The following PAG1 variants were observed in gnomAD, a reference collection of about 807,000 sequenced individuals.
PAG1 encodes the protein phosphoprotein associated with glycosphingolipid-enriched microdomains 1.
In PAG1, 23 loss-of-function variants were observed where a neutral mutation model predicts 31.7. The observed-to-expected ratio is 0.73, with a 90% CI of 0.52 to 1.03. PAG1 has a LOEUF of 1.03. PAG1 is among the 50% of genes least tolerant of loss of function. The probability of loss-of-function intolerance (pLI) is 0.00; values close to 1 mark genes in which losing one functional copy is unlikely to be tolerated. For missense variants in PAG1, 473 were observed against 540.7 expected (o/e 0.87, Z 1.24); for synonymous variants, 214 against 210.3 (o/e 1.02, Z -0.15).
At chr8:80,981,862 C>CCTTTTTTTTTTTTTT (rs1554598378) in intron 7 of PAG1, among the ~76,000 whole-genome samples, 1 of 103,426 alleles carries the variant, frequency 9.7e-6, no homozygotes, top group Non-Finnish European at 1.7e-5. Flanking sequence ...ATCTCACTTC[C>CCTTTTTTTTTTTTTT]TTTTTTTTTT....
chr8:81,057,009 A>G (rs1182110318), intron 2 of PAG1, among the ~76,000 whole-genome samples: 2 of 152,224 alleles, frequency 1.3e-5, no homozygotes, highest in Non-Finnish European at 2.9e-5. Flanking sequence ...GCAAATCAAA[A>G]CCACAATGAG....
intron 3 of PAG1, among the ~76,000 whole-genome samples, chr8:81,007,696 G>T: frequency 6.9e-6 from 1 of 145,106 alleles, no homozygotes; most frequent in African/African-American, 2.5e-5. Flanking sequence ...CTTGAAGAAT[G>T]ACACATGGAG....
chr8:81,065,610 G>T (rs2130943671), intron 2 of PAG1, among the ~76,000 whole-genome samples: 1 of 151,982 alleles, frequency 6.6e-6, no homozygotes, highest in East Asian at 1.9e-4. Context: ...ATAAAAAACT[G>T]GATATTTAAA....
At chr8:81,039,442 T>G (rs562505423) in intron 2 of PAG1, 1 of 152,338 alleles carries the variant, frequency 6.6e-6, no homozygotes, top group Admixed American at 6.5e-5. Context: ...GGCAAGGAAC[T>G]GCAAGCAACT....
At chr8:80,980,846 A>T (rs1253711695) in intron 7 of PAG1, among the ~76,000 whole-genome samples, 2 of 152,204 alleles carry the variant, frequency 1.3e-5, no homozygotes, top group African/African-American at 4.8e-5. Flanking sequence ...TCTTTATCAA[A>T]TGCCTGAATT....
chr8:81,037,948 T>G (rs888658491), intron 2 of PAG1, among the ~76,000 whole-genome samples: 2 of 152,254 alleles, frequency 1.3e-5, no homozygotes, highest in African/African-American at 4.8e-5. Flanking sequence ...CTTGGCCTAA[T>G]GCACATGCCC....
At chr8:80,983,214 C>T (rs1207652683) in intron 7 of PAG1, among the ~76,000 whole-genome samples, 3 of 152,196 alleles carry the variant, frequency 2.0e-5, no homozygotes, top group African/African-American at 4.8e-5. Context: ...CTCTGCTTCA[C>T]GTGCTCTTTC....
At chr8:81,016,698 C>T (rs1808077848) in intron 3 of PAG1, among the ~76,000 whole-genome samples, 1 of 152,140 alleles carries the variant, frequency 6.6e-6, no homozygotes, top group Admixed American at 6.5e-5. Flanking sequence ...TTCCTTTCTC[C>T]TTGCCCTTTA....
At chr8:81,082,844 C>T (rs1809291259) in intron 1 of PAG1, among the ~76,000 whole-genome samples, 1 of 151,670 alleles carries the variant, frequency 6.6e-6, no homozygotes. Flanking sequence ...TTTATGATGG[C>T]TGTTTTAAAA....
intron 1 of PAG1, among the ~76,000 whole-genome samples, chr8:81,088,437 G>A (rs1345527973): frequency 6.6e-6 from 1 of 152,026 alleles, no homozygotes; most frequent in Non-Finnish European, 1.5e-5. Context: ...GTTATAGTTA[G>A]GGGGTTAGGG....
At position 80,970,274 on chromosome 8, in the gene PAG1, A is replaced by C. The variant is rs1807049384; in HGVS notation, c.*6270T>G. ...CAGGCACATGCCACCATGCCTGGCT[A>C]ATTTTTTTTGCATTTTTAGTAGAGA... On this transcript the variant is annotated 3_prime_UTR_variant, in exon 9 of 9. Coordinates refer to ENST00000220597, the MANE Select transcript of PAG1 (RefSeq NM_018440.4). The C allele has an allele frequency of 8.6e-6, 1 of 115,776 alleles. No individual in the cohort carries two copies. The highest frequency in any genetic ancestry group is 2.7e-5 in the African/African-American group (1 of 36,550). The allele number at this position is 115,776 out of a possible 1,614,324, so 7.2% of individuals were successfully genotyped here.
intron 2 of PAG1, among the ~76,000 whole-genome samples, chr8:81,045,091 T>G (rs1392781341): frequency 2.6e-5 from 4 of 152,160 alleles, no homozygotes. Context: ...ACACACAGAA[T>G]GTCCAAAGTG....
Position 80,976,448 on chromosome 8 carries a change from G to T in PAG1, c.*96C>A. 8.1e-7 allele frequency: 1 copy of T among 1,232,028 alleles called. No individual in the cohort carries two copies. The highest frequency in any genetic ancestry group is 1.1e-6 in the Non-Finnish European group (1 of 879,010). The allele number at this position is 1,232,028 out of a possible 1,614,324, so 76.3% of individuals were successfully genotyped here. A position where few individuals can be genotyped will look rare whatever the true frequency, so the allele number is the denominator to read the frequency against. The stretch of plus-strand genomic sequence containing the variant: ...CAACCATCTTCAGGTGACTAAAGCA[G>T]CATATGAAGTATAGGTTTGTGTCAC... On this transcript the variant is annotated 3_prime_UTR_variant, in exon 9 of 9. Coordinates refer to ENST00000220597, the MANE Select transcript of PAG1 (RefSeq NM_018440.4).
chr8:81,109,471 T>C (rs1194151923), intron 1 of PAG1, among the ~76,000 whole-genome samples: 3 of 152,188 alleles, frequency 2.0e-5, no homozygotes, highest in African/African-American at 7.2e-5. Context: ...CAAAGGACTG[T>C]GGTGGGGAAT....
chr8:81,030,905 G>A (rs1327787925), intron 2 of PAG1, among the ~76,000 whole-genome samples: 2 of 152,200 alleles, frequency 1.3e-5, no homozygotes, highest in Admixed American at 6.5e-5. Context: ...ATGAACGAAC[G>A]AACAAACGGA....
At chr8:81,090,927 T>C (rs775129743) in intron 1 of PAG1, among the ~76,000 whole-genome samples, 8 of 152,318 alleles carry the variant, frequency 5.3e-5, no homozygotes, top group South Asian at 2.1e-4. Context: ...CCTGAGCAGA[T>C]TGGCATGTTA....
At chr8:81,105,201 G>T (rs1225718256) in intron 1 of PAG1, among the ~76,000 whole-genome samples, 1 of 152,098 alleles carries the variant, frequency 6.6e-6, no homozygotes, top group African/African-American at 2.4e-5. Context: ...TTTAAGCACT[G>T]GTTCCAACTG....
rs1261546364 is a variant in PAG1 at position 80,974,435 on chromosome 8, C to G, written c.*2109G>C. The G allele has an allele frequency of 6.6e-6, 1 of 152,212 alleles. No individual in the cohort carries two copies. Among genetic ancestry groups the G allele is most frequent in the Non-Finnish European group, 1.5e-5 (1 of 68,042 alleles). The allele number at this position is 152,212 out of a possible 1,614,324, so 9.4% of individuals were successfully genotyped here. On this transcript the variant is annotated 3_prime_UTR_variant, in exon 9 of 9. Transcript: ENST00000220597. Reference sequence around the variant, plus strand: ...CTAGAATTCAGAGAAATGCAAGGTACGAACTTCTCTCTAATCCAAGGGTAT... The same window carrying G: ...CTAGAATTCAGAGAAATGCAAGGTAGGAACTTCTCTCTAATCCAAGGGTAT...
intron 6 of PAG1, 97 bp downstream of exon 6, chr8:80,987,273 A>G (rs982958146): frequency 6.3e-6 from 5 of 788,446 alleles, no homozygotes; most frequent in Admixed American, 2.1e-5. Flanking sequence ...ACTGAGCAAT[A>G]ACACATTTCC....
Sources: gnomAD v4.1 joint callset for allele counts (sites outside exome capture counted in the v4.1 genomes callset) on GRCh38, gnomAD v4.1.1 for gene constraint, MANE v1.5 for transcripts, NCBI Gene and HGNC (gene_info 2026-07-23, HGNC 2026-07-21) for gene names.